Variants in AGBL4 observed in about 807,000 individuals in gnomAD.
AGBL4 encodes the protein cytosolic carboxypeptidase 6.
AGBL4 carries 58 observed loss-of-function variants against 66.4 expected under a neutral mutation model. The observed-to-expected ratio is 0.87, with a 90% CI of 0.71 to 1.09. The LOEUF is 1.09. Among genes scored for constraint, AGBL4 ranks in the 50% least tolerant of loss-of-function variants. The pLI, the probability that AGBL4 is intolerant of heterozygous loss-of-function variation, is 0.00. For synonymous variants in AGBL4, 234 were observed against 222.9 expected (o/e 1.05, Z -0.44); for missense variants, 579 against 631.0 (o/e 0.92, Z 0.88).
rs1485501103 is a variant in AGBL4, at chr1:49,571,054, CTTTG to C, written c.282+126255_282+126258del. 2.7e-5 allele frequency among the ~76,000 whole-genome samples: 4 copies of C among 149,870 alleles called. No individual in the cohort carries two copies. The East Asian group carries it at 7.8e-4, about 29-fold the overall frequency. On this transcript the variant is annotated intron_variant, in intron 3 of 13. Transcript: ENST00000371839. ...GCTTCATTCTTTTTGCCTAGGATTGCTTTGTTTATTTGGGCTCTTTCATAGTACC... is the reference window on the plus strand; with the variant it reads ...GCTTCATTCTTTTTGCCTAGGATTGCTTTATTTGGGCTCTTTCATAGTACC...
chr1:49,577,793 G>A (rs889110552), intron 3 of AGBL4, among the ~76,000 whole-genome samples: 3 of 152,172 alleles, frequency 2.0e-5, no homozygotes, highest in African/African-American at 7.2e-5. Flanking sequence ...TGATGGAATG[G>A]CTTTTTGAAG....
At chr1:49,742,677 C>T (rs1299992787) in intron 2 of AGBL4, among the ~76,000 whole-genome samples, 1 of 152,078 alleles carries the variant, frequency 6.6e-6, no homozygotes, top group Non-Finnish European at 1.5e-5. Context: ...GTAACCAAAA[C>T]AGCATGGTAC....
chr1:48,634,627 G>A, intron 8 of AGBL4, 23 bp from the exon 9 acceptor site: 3 of 1,536,780 alleles, frequency 2.0e-6, no homozygotes, highest in Non-Finnish European at 2.7e-6. Context: ...CAAAGTAAGA[G>A]TCAATATAGA....
At chr1:49,086,663 C>A (rs1270539961) in intron 4 of AGBL4, among the ~76,000 whole-genome samples, 1 of 151,808 alleles carries the variant, frequency 6.6e-6, no homozygotes, top group African/African-American at 2.4e-5. Context: ...ACCTAGACAG[C>A]AGAGTGGGCA....
intron 3 of AGBL4, among the ~76,000 whole-genome samples, chr1:49,253,050 C>T (rs1307057433): frequency 6.6e-6 from 1 of 152,134 alleles, no homozygotes; most frequent in Non-Finnish European, 1.5e-5. Flanking sequence ...CAAATCCACA[C>T]ATATCAATAC....
the AGBL4 span, among the ~76,000 whole-genome samples, chr1:48,525,801 G>T: frequency 9.1e-4 from 138 of 152,300 alleles, no homozygotes; most frequent in Non-Finnish European, 1.5e-3. Flanking sequence ...GGGAGTTGAG[G>T]ATAGAATGTG....
At chr1:49,046,933 G>A (rs1390531311) in intron 4 of AGBL4, among the ~76,000 whole-genome samples, 2 of 152,182 alleles carry the variant, frequency 1.3e-5, no homozygotes, top group African/African-American at 2.4e-5. Context: ...AAAGACTACA[G>A]GGGCATATGA....
At chr1:49,620,156 A>G (rs1571189843) in intron 3 of AGBL4, among the ~76,000 whole-genome samples, 1 of 152,322 alleles carries the variant, frequency 6.6e-6, no homozygotes, top group East Asian at 1.9e-4. Flanking sequence ...CTACACAGCA[A>G]AAGAAACTAT....
intron 3 of AGBL4, among the ~76,000 whole-genome samples, chr1:49,578,106 T>A (rs1644471539): frequency 6.6e-6 from 1 of 152,174 alleles, no homozygotes; most frequent in Non-Finnish European, 1.5e-5. Flanking sequence ...TCCATTAAAC[T>A]ACAAGTTAAG....
intron 3 of AGBL4, among the ~76,000 whole-genome samples, chr1:49,564,754 G>T (rs886575301): frequency 6.6e-6 from 1 of 152,210 alleles, no homozygotes; most frequent in African/African-American, 2.4e-5. Flanking sequence ...GAATAGGTGT[G>T]ATGTGGTGCT....
intron 2 of AGBL4, among the ~76,000 whole-genome samples, chr1:49,758,833 A>C (rs1652095883): frequency 6.6e-6 from 1 of 151,830 alleles, no homozygotes; most frequent in Admixed American, 6.6e-5. Context: ...GGGAAGGCAA[A>C]ATTTTGTTTT....
chr1:48,959,263 T>C (rs1259328067), intron 5 of AGBL4, among the ~76,000 whole-genome samples: 3 of 152,196 alleles, frequency 2.0e-5, no homozygotes, highest in African/African-American at 7.2e-5. Context: ...GCTTTCCTGA[T>C]GAATAAATAT....
intron 3 of AGBL4, among the ~76,000 whole-genome samples, chr1:49,342,454 C>CCCT (rs1245238459): frequency 6.6e-6 from 1 of 152,092 alleles, no homozygotes; most frequent in East Asian, 1.9e-4. Flanking sequence ...GATGAAGTTT[C>CCCT]CCTCTCATTT....
intron 3 of AGBL4, among the ~76,000 whole-genome samples, chr1:49,262,126 G>C (rs1333858560): frequency 6.6e-6 from 1 of 152,098 alleles, no homozygotes; most frequent in Non-Finnish European, 1.5e-5. Flanking sequence ...GCTGAAACTG[G>C]ATACCTTCCT....
chr1:49,075,434 G>A (rs1644691241), intron 4 of AGBL4, among the ~76,000 whole-genome samples: 1 of 151,804 alleles, frequency 6.6e-6, no homozygotes, highest in South Asian at 2.1e-4. Flanking sequence ...CAGTTTTTTG[G>A]GCAAAAAATA....
intron 3 of AGBL4, among the ~76,000 whole-genome samples, chr1:49,315,124 A>G (rs1645015937): frequency 6.6e-6 from 1 of 152,212 alleles, no homozygotes; most frequent in Non-Finnish European, 1.5e-5. Context: ...GACAAACCTG[A>G]CAAAAACAAG....
chr1:49,064,641 T>A (rs1437596273), intron 4 of AGBL4, among the ~76,000 whole-genome samples: 4 of 152,222 alleles, frequency 2.6e-5, no homozygotes, highest in African/African-American at 9.6e-5. Context: ...TTAAAGAAAT[T>A]GTATCTTAAT....
chr1:49,243,280 T>A (rs189640165), intron 4 of AGBL4, among the ~76,000 whole-genome samples: 24 of 151,754 alleles, frequency 1.6e-4, no homozygotes, highest in Admixed American at 1.4e-3. Flanking sequence ...GAGAAGATAC[T>A]ATAAATTTGA....
chr1:49,753,844 T>C (rs1349890458), intron 2 of AGBL4, among the ~76,000 whole-genome samples: 1 of 152,240 alleles, frequency 6.6e-6, no homozygotes, highest in East Asian at 1.9e-4. Context: ...ATATCCTTTC[T>C]TCCACTTCAT....
Sources: gnomAD v4.1 joint callset for allele counts (sites outside exome capture counted in the v4.1 genomes callset) on GRCh38, gnomAD v4.1.1 for gene constraint, MANE v1.5 for transcripts, NCBI Gene and HGNC (gene_info 2026-07-23, HGNC 2026-07-21) for gene names.